The following ATP10B variants were observed in gnomAD, a reference collection of about 807,000 sequenced individuals.
ATP10B encodes the protein ATPase phospholipid transporting 10B (putative), also known as phospholipid-transporting ATPase VB.
In ATP10B, 122 loss-of-function variants were observed where a neutral mutation model predicts 141.2. That is an observed-to-expected ratio of 0.86 (90% CI 0.75 to 1.00). The LOEUF (loss-of-function observed/expected upper bound fraction) is 1.00, where lower values mean the gene tolerates loss of function less well. Ranked by LOEUF, ATP10B falls within the 50% of genes least tolerant of loss-of-function variation. ATP10B has a pLI of 0.00. For missense variants in ATP10B, 1,876 were observed against 1,825.3 expected (o/e 1.03, Z -0.51); for synonymous variants, 685 against 692.0 (o/e 0.99, Z 0.16).
chr5:160,591,668 A>G (rs1404226718), intron 22 of ATP10B, among the ~76,000 whole-genome samples: 1 of 152,204 alleles, frequency 6.6e-6, no homozygotes, highest in African/African-American at 2.4e-5. Flanking sequence ...CAGCGGCTCC[A>G]GAAACAAGCC....
intron 1 of ATP10B, among the ~76,000 whole-genome samples, chr5:160,831,889 C>A (rs1435913617): frequency 6.6e-6 from 1 of 152,062 alleles, no homozygotes; most frequent in Non-Finnish European, 1.5e-5. Flanking sequence ...TCTCACTTTT[C>A]TTTATGGCTT....
At chr5:160,702,816 A>G (rs1764754156) in intron 3 of ATP10B, among the ~76,000 whole-genome samples, 1 of 152,194 alleles carries the variant, frequency 6.6e-6, no homozygotes, top group Non-Finnish European at 1.5e-5. Context: ...GTCTCAGGAA[A>G]GGCTTTCCCA....
At chr5:160,689,475 C>T (rs1763949293) in intron 3 of ATP10B, among the ~76,000 whole-genome samples, 1 of 152,134 alleles carries the variant, frequency 6.6e-6, no homozygotes, top group South Asian at 2.1e-4. Context: ...ATTTAGAAAA[C>T]CCCATATTCT....
chr5:160,833,404 G>A (rs1266002139), intron 1 of ATP10B, among the ~76,000 whole-genome samples: 1 of 152,130 alleles, frequency 6.6e-6, no homozygotes, highest in East Asian at 1.9e-4. Context: ...CTCAGATTCA[G>A]CTCAGTTATA....
At chr5:160,644,026 G>T in intron 9 of ATP10B, 112 bp downstream of exon 9, 2 of 833,000 alleles carry the variant, frequency 2.4e-6, no homozygotes, top group Non-Finnish European at 4.0e-6. Flanking sequence ...GAAGTTACAT[G>T]AGTAAATGGG....
At chr5:160,569,025 G>A (rs559941321) in intron 25 of ATP10B, among the ~76,000 whole-genome samples, 1 of 152,324 alleles carries the variant, frequency 6.6e-6, no homozygotes, top group African/African-American at 2.4e-5. Flanking sequence ...GCTCTGGAAT[G>A]TTTGACTTGA....
At chr5:160,742,219 A>G (rs1307525266) in intron 2 of ATP10B, among the ~76,000 whole-genome samples, 1 of 152,164 alleles carries the variant, frequency 6.6e-6, no homozygotes, top group Non-Finnish European at 1.5e-5. Context: ...ACAAATGACA[A>G]TCTTTTTCTC....
intron 3 of ATP10B, among the ~76,000 whole-genome samples, chr5:160,714,811 G>A (rs183781114): frequency 0.015 from 2,210 of 146,226 alleles, 36 homozygotes; most frequent in South Asian, 0.032. Context: ...TGTCCTTTCC[G>A]GTTGTTAGTT....
At chr5:160,723,348 A>G (rs1029882965) in intron 2 of ATP10B, among the ~76,000 whole-genome samples, 1 of 152,234 alleles carries the variant, frequency 6.6e-6, no homozygotes, top group African/African-American at 2.4e-5. Context: ...AAACAAGATC[A>G]TATCAGACTG....
At chr5:160,583,960 T>G (rs1156752577) in intron 24 of ATP10B, among the ~76,000 whole-genome samples, 1 of 152,148 alleles carries the variant, frequency 6.6e-6, no homozygotes, top group Non-Finnish European at 1.5e-5. Context: ...CTTAGCTTAC[T>G]GGGCTCCATG....
At chr5:160,687,599 A>G (rs1032798308) in intron 5 of ATP10B, among the ~76,000 whole-genome samples, 6 of 152,090 alleles carry the variant, frequency 3.9e-5, no homozygotes, top group African/African-American at 1.2e-4. Context: ...CCCCATATCT[A>G]CATAAAAGTA....
chr5:160,845,778 C>G (rs193137768), intron 1 of ATP10B, among the ~76,000 whole-genome samples: 1 of 152,172 alleles, frequency 6.6e-6, no homozygotes, highest in African/African-American at 2.4e-5. Context: ...AGGACGGTCA[C>G]CATGTCTCAT....
chr5:160,618,602 T>A (rs375519422), intron 15 of ATP10B, among the ~76,000 whole-genome samples: 1 of 152,248 alleles, frequency 6.6e-6, no homozygotes, highest in African/African-American at 2.4e-5. Context: ...GAATGTAGTA[T>A]GAAAAATATG....
At position 160,652,430 on chromosome 5, in the gene ATP10B, C is replaced by CTTATTTAT. The variant is rs70990738; in HGVS notation, c.676-3182_676-3175dup. On this transcript the variant is annotated intron_variant, in intron 7 of 25. Transcript: ENST00000327245. ...TGAGCCTTACAAACCTGTCAGGGTT[C>CTTATTTAT]TTATTTATTTATTTATTTATTTATT... 1.2e-3 allele frequency among the ~76,000 whole-genome samples: 155 copies of CTTATTTAT among 129,720 alleles called. 5 individuals are homozygous for CTTATTTAT. Among genetic ancestry groups the CTTATTTAT allele is most frequent in the African/African-American group, 3.7e-3 (122 of 33,334 alleles). 85.1% of individuals were successfully genotyped at this position (129,720 alleles called of 152,430 possible).
chr5:160,861,038 A>G, the ATP10B span, among the ~76,000 whole-genome samples: 1 of 151,858 alleles, frequency 6.6e-6, no homozygotes, highest in East Asian at 1.9e-4. Flanking sequence ...TTATTTTCAT[A>G]CTTCTTTACT....
At chr5:160,818,661 A>G (rs1333430988) in intron 1 of ATP10B, among the ~76,000 whole-genome samples, 2 of 152,250 alleles carry the variant, frequency 1.3e-5, no homozygotes, top group Non-Finnish European at 2.9e-5. Context: ...ATATACCCAA[A>G]GGATTATAAA....
intron 8 of ATP10B, among the ~76,000 whole-genome samples, chr5:160,644,988 G>T (rs1372904906): frequency 6.6e-6 from 1 of 151,914 alleles, no homozygotes; most frequent in Non-Finnish European, 1.5e-5. Context: ...ATGGTGGCAG[G>T]TGCCTGTAAT....
At chr5:160,848,915 C>T (rs753709901) in intron 1 of ATP10B, among the ~76,000 whole-genome samples, 4 of 152,180 alleles carry the variant, frequency 2.6e-5, no homozygotes, top group Non-Finnish European at 5.9e-5. Flanking sequence ...TTGAGAAACA[C>T]TGCAGTACAT....
intron 13 of ATP10B, among the ~76,000 whole-genome samples, chr5:160,627,676 C>T (rs149679258): frequency 0.013 from 1,971 of 152,206 alleles, 21 homozygotes; most frequent in Non-Finnish European, 0.02. Context: ...CGAATTCTAG[C>T]AGTCATTAAA....
Sources: allele counts gnomAD v4.1 joint callset (sites outside exome capture counted in the v4.1 genomes callset), GRCh38; gene constraint gnomAD v4.1.1; transcripts MANE v1.5; gene names NCBI Gene and HGNC (gene_info 2026-07-23, HGNC 2026-07-21).